Variants in CLEC2B observed in about 807,000 individuals in gnomAD.
The protein encoded by CLEC2B is C-type lectin domain family 2 member B.
CLEC2B carries 14 observed loss-of-function variants against 16.2 expected under a neutral mutation model. That is an observed-to-expected ratio of 0.86 (90% CI 0.57 to 1.35). The LOEUF is 1.35. Among genes scored for constraint, CLEC2B ranks in the 40% most tolerant of loss-of-function variants. CLEC2B has a pLI of 0.00. For missense variants in CLEC2B, 166 were observed against 182.3 expected (o/e 0.91, Z 0.52); for synonymous variants, 42 against 55.8 (o/e 0.75, Z 1.10).
rs554986003 is a variant in CLEC2B, at chr12:9,854,410, T to C, written c.312A>G (p.Gln104=). Reference sequence around the variant, plus strand: ...TGGTAAATGTAGCTCCATCTACCCATTGTCCTGTTCGATTTTTTGCCATCT... The same window carrying C: ...TGGTAAATGTAGCTCCATCTACCCACTGTCCTGTTCGATTTTTTGCCATCT... ...GLKMAKNRTG[Q]WVDGATFTKS... The change falls in exon 4 of 5, where the codon CAA becomes CAG. Residue 104 remains glutamine (Q), a synonymous_variant. Coordinates refer to ENST00000228438, the MANE Select transcript of CLEC2B (RefSeq NM_005127.3). 23 of 1,613,446 alleles carry C rather than the reference T, an allele frequency of 1.4e-5. No homozygotes were observed. The South Asian group carries it at 2.1e-4, about 15-fold the overall frequency.
rs933942842 is a variant in CLEC2B, at chr12:9,852,655, A to T, written c.*645T>A. 6.6e-6 allele frequency among the ~76,000 whole-genome samples: 1 copy of T among 152,128 alleles called. No homozygotes were observed. The highest frequency in any genetic ancestry group is 2.4e-5 in the African/African-American group (1 of 41,420). On this transcript the variant is annotated 3_prime_UTR_variant, in exon 5 of 5. Transcript: ENST00000228438. ...AAGAATGACCCCATTTGTTTGATCA[A>T]CTTGTACAGATCAAAGAAAGTTTAA...
At chr12:9,856,643 G>A (rs1013840681) in intron 3 of CLEC2B, among the ~76,000 whole-genome samples, 1 of 152,008 alleles carries the variant, frequency 6.6e-6, no homozygotes, top group Admixed American at 6.6e-5. Flanking sequence ...TGACTCTTGT[G>A]CTATTCTGCT....
At chr12:9,857,422 C>T in intron 3 of CLEC2B, 52 bp downstream of exon 3, 1 of 1,355,306 alleles carries the variant, frequency 7.4e-7, no homozygotes, top group Non-Finnish European at 1.0e-6. Flanking sequence ...TTGAATATTT[C>T]TAATGCTCCG....
At position 9,854,179 on chromosome 12, in the gene CLEC2B, C is replaced by G. The variant is rs111521526; in HGVS notation, c.341+202G>C. ...AGGTCTTTATTTTCAAAATAGCCAA[C>G]TAGGAGATCTGTTCCCTTACATCTT... On this transcript the variant is annotated intron_variant, in intron 4 of 4. Transcript: ENST00000228438. Among the ~76,000 whole-genome samples the G allele has an allele frequency of 1.8e-3, 279 of 152,174 alleles. 2 individuals are homozygous for G. Among genetic ancestry groups the G allele is most frequent in the African/African-American group, 5.7e-3 (238 of 41,536 alleles).
In CLEC2B at chr12:9,855,892, G is replaced by A. The variant is rs920254150; in HGVS notation, c.238-1408C>T. Among the ~76,000 whole-genome samples, 109 of 151,892 alleles carry A rather than the reference G, an allele frequency of 7.2e-4. 5 individuals carry two copies. The highest frequency in any genetic ancestry group is 4.8e-5 in the African/African-American group (2 of 41,360). ...TTAAATTAAACTATTTTAAATAATCGATTACAATTCTTATGTAAATTTCTT... is the reference window on the plus strand; with the variant it reads ...TTAAATTAAACTATTTTAAATAATCAATTACAATTCTTATGTAAATTTCTT... On this transcript the variant is annotated intron_variant, in intron 3 of 4. Transcript: ENST00000228438.
At chr12:9,868,063 A>G (rs1196671401) in intron 1 of CLEC2B, among the ~76,000 whole-genome samples, 2 of 150,854 alleles carry the variant, frequency 1.3e-5, no homozygotes, top group Non-Finnish European at 3.0e-5. Flanking sequence ...AACGATGTTC[A>G]TAATTTCAGA....
In CLEC2B at chr12:9,853,168, T is replaced by G; in HGVS notation, c.*132A>C. ...GCCAATCTTTGAAGTGGCTTTTATGTGTAGCCTGACACGTAAGCAGAATTA... is the reference window on the plus strand; with the variant it reads ...GCCAATCTTTGAAGTGGCTTTTATGGGTAGCCTGACACGTAAGCAGAATTA... On this transcript the variant is annotated 3_prime_UTR_variant, in exon 5 of 5. Transcript: ENST00000228438. 1 of 693,056 alleles carries G rather than the reference T, an allele frequency of 1.4e-6. No individual in the cohort carries two copies. The highest frequency in any genetic ancestry group is 2.5e-6 in the Non-Finnish European group (1 of 403,350). 42.9% of individuals were successfully genotyped at this position (693,056 alleles called of 1,614,324 possible).
rs528928195 is a variant in CLEC2B, at chr12:9,864,288, T to C, written c.-2-1715A>G. Reference sequence around the variant, plus strand: ...AGAGAATTCACCACCACCAGACATATCTTATAAGAAATGCTAAAGGGAGTT... The same window carrying C: ...AGAGAATTCACCACCACCAGACATACCTTATAAGAAATGCTAAAGGGAGTT... On this transcript the variant is annotated intron_variant, in intron 1 of 4. Coordinates refer to ENST00000228438, the MANE Select transcript of CLEC2B (RefSeq NM_005127.3). 1.4e-3 allele frequency among the ~76,000 whole-genome samples: 211 copies of C among 151,712 alleles called. 2 individuals carry two copies. The highest frequency in any genetic ancestry group is 2.5e-3 in the South Asian group (12 of 4,802).
intron 2 of CLEC2B, among the ~76,000 whole-genome samples, chr12:9,859,407 T>C (rs144828835): frequency 6.6e-4 from 100 of 151,916 alleles, no homozygotes; most frequent in Non-Finnish European, 1.3e-3. Context: ...TTTTAAAAAA[T>C]GTAACTGTGA....
intron 1 of CLEC2B, chr12:9,867,035 C>T (rs536168542): frequency 2.0e-5 from 3 of 152,196 alleles, no homozygotes; most frequent in South Asian, 2.1e-4. Flanking sequence ...AAAAGATGAT[C>T]GTACTTTAAA....
chr12:9,854,312 C>A, intron 4 of CLEC2B, 69 bp downstream of exon 4: 1 of 987,968 alleles, frequency 1.0e-6, no homozygotes, highest in South Asian at 1.5e-5. Context: ...AGAAATTTAG[C>A]TAAAGCATAA....
chr12:9,864,925 G>T (rs1348966238), intron 1 of CLEC2B, among the ~76,000 whole-genome samples: 1 of 152,146 alleles, frequency 6.6e-6, no homozygotes, highest in African/African-American at 2.4e-5. Context: ...GCTCACGCCT[G>T]TAATCCCAGA....
chr12:9,854,252 T>C (rs1342271637), intron 4 of CLEC2B, 129 bp downstream of exon 4: 2 of 579,552 alleles, frequency 3.5e-6, no homozygotes, highest in Non-Finnish European at 6.1e-6. Context: ...TCAATATATA[T>C]TCAATCCCCC....
In CLEC2B at chr12:9,857,472, A is replaced by T. The variant is rs987940493; in HGVS notation, c.237+2T>A. ...ACAAAGAATGTATATTAAATTACTT[A>T]CCATTTCTTCTATGTTGTCAATTAT... On this transcript the variant is annotated splice_donor_variant, in intron 3 of 4. Transcript: ENST00000228438. LOFTEE classifies it high-confidence loss of function. 3 of 1,597,532 alleles carry T rather than the reference A, an allele frequency of 1.9e-6. No individual in the cohort carries two copies. Among genetic ancestry groups the T allele is most frequent in the Non-Finnish European group, 2.6e-6 (3 of 1,167,270 alleles).
rs1392814365 is a variant in CLEC2B at position 9,857,546 on chromosome 12, A to G, written c.165T>C (p.Asp55=). 3 of 1,611,138 alleles carry G rather than the reference A, an allele frequency of 1.9e-6. No individual in the cohort carries two copies. The highest frequency in any genetic ancestry group is 2.5e-6 in the Non-Finnish European group (3 of 1,177,830). Residue 55 remains aspartate (D), a synonymous_variant, in exon 3 of 5, where the codon GAT becomes GAC. Coordinates refer to ENST00000228438, the MANE Select transcript of CLEC2B (RefSeq NM_005127.3). ...AACAGTTGTATTTACTTGAATTCCA[A>G]TCTCCTTCTTCTTTAGAGAAATAAT... The part of the protein sequence containing the change: ...KCYYFSKEEG[D]WNSSKYNCST...
At chr12:9,861,511 T>C (rs1023094763) in intron 2 of CLEC2B, among the ~76,000 whole-genome samples, 6 of 152,170 alleles carry the variant, frequency 3.9e-5, no homozygotes, top group African/African-American at 1.4e-4. Context: ...CTTAAGCTAA[T>C]CTATGCGTAT....
chr12:9,859,157 T>G (rs1184972887), intron 2 of CLEC2B, among the ~76,000 whole-genome samples: 3 of 151,936 alleles, frequency 2.0e-5, no homozygotes, highest in African/African-American at 4.8e-5. Context: ...ACAGGAAAAT[T>G]TATTGGCTTA....
intron 2 of CLEC2B, among the ~76,000 whole-genome samples, chr12:9,860,635 A>T (rs757842440): frequency 1.6e-4 from 25 of 152,016 alleles, no homozygotes; most frequent in Non-Finnish European, 3.4e-4. Context: ...AGCTTAAAGG[A>T]TCTAAAATGC....
rs1867940639 is a variant in CLEC2B at position 9,862,534 on chromosome 12, C to G, written c.38G>C (p.Gly13Ala). 1 of 1,465,148 alleles carries G rather than the reference C, an allele frequency of 6.8e-7. No individual in the cohort carries two copies. Among genetic ancestry groups the G allele is most frequent in the Admixed American group, 2.1e-5 (1 of 46,574 alleles). The allele number at this position is 1,465,148 out of a possible 1,614,324, so 90.8% of individuals were successfully genotyped here. ...TKHKKCFIIV[G>A]VLITTNIITL... is the part of the protein sequence containing the mutation. ...AATAATATTAGTTGTTATTAAAACA[C>G]CAACAATTATAAAACACTTTTTATG... Residue 13 changes from glycine to alanine, a missense_variant, in exon 2 of 5, where the codon GGT becomes GCT. Transcript: ENST00000228438.
Sources: allele counts gnomAD v4.1 joint callset (sites outside exome capture counted in the v4.1 genomes callset), GRCh38; gene constraint gnomAD v4.1.1; transcripts MANE v1.5; gene names NCBI Gene and HGNC (gene_info 2026-07-23, HGNC 2026-07-21).